Variants in MAP4 observed in about 807,000 individuals in gnomAD.
MAP4 encodes the protein microtubule-associated protein 4.
MAP4 carries 76 observed loss-of-function variants against 170.2 expected under a neutral mutation model. That is an observed-to-expected ratio of 0.45 (90% CI 0.37 to 0.54). The LOEUF (loss-of-function observed/expected upper bound fraction) is 0.54, where lower values mean the gene tolerates loss of function less well. Ranked by LOEUF, MAP4 falls within the 20% of genes least tolerant of loss-of-function variation. The pLI is 0.00. For missense variants in MAP4, 2,506 were observed against 2,748.0 expected (o/e 0.91, Z 1.97); for synonymous variants, 909 against 994.5 (o/e 0.91, Z 1.62).
intron 7 of MAP4, among the ~76,000 whole-genome samples, 191 bp from the exon 8 acceptor site, chr3:47,915,130 T>G (rs1376143838): frequency 6.6e-6 from 1 of 151,508 alleles, no homozygotes; most frequent in Non-Finnish European, 1.5e-5. Flanking sequence ...TTTTTTTTTT[T>G]GAGATGGAGT....
At chr3:48,011,458 C>A (rs2100105181) in intron 1 of MAP4, among the ~76,000 whole-genome samples, 1 of 151,540 alleles carries the variant, frequency 6.6e-6, no homozygotes, top group South Asian at 2.1e-4. Context: ...GAGGCTGAGG[C>A]AGGAAAATTG....
At chr3:47,949,848 G>GGACA (rs563620531) in intron 3 of MAP4, among the ~76,000 whole-genome samples, 2 of 151,656 alleles carry the variant, frequency 1.3e-5, no homozygotes, top group Non-Finnish European at 2.9e-5. Context: ...GTGATGCGTG[G>GGACA]GACACCCAGC....
At chr3:47,930,241 C>T (rs1185675411) in intron 3 of MAP4, among the ~76,000 whole-genome samples, 4 of 150,814 alleles carry the variant, frequency 2.7e-5, no homozygotes, top group South Asian at 4.2e-4. Flanking sequence ...GTCAGGAGAT[C>T]GAGACCATCC....
At chr3:48,033,987 A>G (rs1027273301) in intron 1 of MAP4, among the ~76,000 whole-genome samples, 4 of 152,240 alleles carry the variant, frequency 2.6e-5, no homozygotes, top group African/African-American at 4.8e-5. Flanking sequence ...GAAGATAATG[A>G]TGGCCTATGC....
intron 1 of MAP4, among the ~76,000 whole-genome samples, chr3:48,061,110 G>T (rs2100134947): frequency 6.6e-6 from 1 of 152,076 alleles, no homozygotes; most frequent in South Asian, 2.1e-4. Context: ...CTTCCAAAGT[G>T]CTGGGATTAC....
At chr3:48,058,527 G>A (rs1444325896) in intron 1 of MAP4, among the ~76,000 whole-genome samples, 2 of 152,124 alleles carry the variant, frequency 1.3e-5, no homozygotes, top group African/African-American at 4.8e-5. Context: ...ATCTTTTAGA[G>A]TAACTATCAG....
At chr3:47,951,329 T>C (rs2100063636) in intron 3 of MAP4, among the ~76,000 whole-genome samples, 2 of 149,976 alleles carry the variant, frequency 1.3e-5, no homozygotes, top group South Asian at 4.2e-4. Context: ...TCCCTCTCCC[T>C]CCTCTCCCTC....
intron 10 of MAP4, among the ~76,000 whole-genome samples, chr3:47,881,639 T>A (rs2096783516): frequency 6.6e-6 from 1 of 151,502 alleles, no homozygotes; most frequent in African/African-American, 2.4e-5. Context: ...GGGCAATTTT[T>A]TTTTCTTTTT....
intron 2 of MAP4, among the ~76,000 whole-genome samples, chr3:47,997,469 T>C (rs530124644): frequency 2.0e-5 from 3 of 151,602 alleles, no homozygotes; most frequent in African/African-American, 7.3e-5. Flanking sequence ...AAATGGTGAT[T>C]AGAGGGTAAT....
At chr3:47,887,182 C>T (rs1173840478) in intron 10 of MAP4, among the ~76,000 whole-genome samples, 2 of 152,242 alleles carry the variant, frequency 1.3e-5, no homozygotes, top group Non-Finnish European at 2.9e-5. Flanking sequence ...AGCCAGCTCC[C>T]TCAGCTTGCA....
chr3:47,910,040 A>G lies in MAP4; in HGVS notation c.4381T>C (p.Leu1461=). Residue 1461 remains leucine (L), a synonymous_variant, in exon 9 of 21, where the codon TTG becomes CTG. Transcript: ENST00000683076. The stretch of plus-strand genomic sequence containing the variant: ...GCTATCTCTTGCCCATTTTTTGCCA[A>G]GGTATCTGGAAAGGAATCACCTTCC... ...VKEGDSFPDT[L]AKNGQEIAPA... is the part of the protein sequence containing the mutation. The G allele has an allele frequency of 6.2e-7, 1 of 1,614,004 alleles. No homozygotes were observed. The highest frequency in any genetic ancestry group is 8.5e-7 in the Non-Finnish European group (1 of 1,179,870).
At chr3:47,888,419 C>T (rs911545174) in intron 10 of MAP4, among the ~76,000 whole-genome samples, 71 of 152,292 alleles carry the variant, frequency 4.7e-4, no homozygotes, top group African/African-American at 1.7e-3. Context: ...CAGCTTCACT[C>T]CTGAGCCCAG....
intron 2 of MAP4, among the ~76,000 whole-genome samples, chr3:47,989,176 C>A (rs1007639257): frequency 1.3e-5 from 2 of 152,206 alleles, no homozygotes; most frequent in African/African-American, 4.8e-5. Context: ...TTTGGGAGGC[C>A]TAGGCGGAAG....
intron 10 of MAP4, among the ~76,000 whole-genome samples, chr3:47,882,445 T>A (rs916033906): frequency 6.6e-6 from 1 of 152,176 alleles, no homozygotes; most frequent in African/African-American, 2.4e-5. Context: ...ATTTCCTTTT[T>A]TCATTTTTTC....
At chr3:48,030,766 T>C (rs1161491110) in intron 1 of MAP4, among the ~76,000 whole-genome samples, 1 of 114,036 alleles carries the variant, frequency 8.8e-6, no homozygotes. Context: ...ACCACTGCAC[T>C]CCAGCCTGGG....
chr3:48,038,284 T>G lies in MAP4; in HGVS notation c.-19-39405A>C, dbSNP rs137930497. Among the ~76,000 whole-genome samples, 17 of 150,944 alleles carry G rather than the reference T, an allele frequency of 1.1e-4. 1 individual carries two copies. In the East Asian group the frequency reaches 3.3e-3, roughly 29 times the overall value. Reference sequence around the variant, plus strand: ...AGATGCAAAAGAACGTATGAAAGAGTGAAGGAAAGAAAAATATGTGTTTTT... The same window carrying G: ...AGATGCAAAAGAACGTATGAAAGAGGGAAGGAAAGAAAAATATGTGTTTTT... On this transcript the variant is annotated intron_variant, in intron 1 of 18. Transcript: ENST00000360240.
intron 2 of MAP4, among the ~76,000 whole-genome samples, chr3:47,985,971 G>A (rs991299694): frequency 6.6e-6 from 1 of 152,200 alleles, no homozygotes; most frequent in African/African-American, 2.4e-5. Context: ...AGAGGTGTGA[G>A]TTCTGCAGTT....
chr3:47,860,301 C>G (rs2063474726), intron 17 of MAP4, among the ~76,000 whole-genome samples: 1 of 152,212 alleles, frequency 6.6e-6, no homozygotes, highest in Admixed American at 6.5e-5. Flanking sequence ...CCTCAACCTC[C>G]CAGGCTCAAG....
At chr3:48,085,794 C>A (rs921826693) in intron 1 of MAP4, among the ~76,000 whole-genome samples, 3 of 151,978 alleles carry the variant, frequency 2.0e-5, no homozygotes, top group African/African-American at 7.3e-5. Context: ...CGGTGGCTCA[C>A]GCCTGTAATC....
Sources: allele counts gnomAD v4.1 joint callset (sites outside exome capture counted in the v4.1 genomes callset), GRCh38; gene constraint gnomAD v4.1.1; transcripts MANE v1.5; gene names NCBI Gene and HGNC (gene_info 2026-07-23, HGNC 2026-07-21).